The following PEBP4 variants were observed in gnomAD, a reference collection of about 807,000 sequenced individuals.
PEBP4 encodes phosphatidylethanolamine-binding protein 4.
PEBP4 carries 22 observed loss-of-function variants against 23.9 expected under a neutral mutation model. That is an observed-to-expected ratio of 0.92 (90% CI 0.66 to 1.31). PEBP4 has a LOEUF of 1.31. PEBP4 is among the 40% of genes most tolerant of loss of function. The probability of loss-of-function intolerance (pLI) is 0.00; values close to 1 mark genes in which losing one functional copy is unlikely to be tolerated. For missense variants in PEBP4, 324 were observed against 281.7 expected (o/e 1.15, Z -1.07); for synonymous variants, 112 against 99.3 (o/e 1.13, Z -0.76).
intron 4 of PEBP4, among the ~76,000 whole-genome samples, chr8:22,795,495 C>T (rs1806234593): frequency 6.6e-6 from 1 of 152,078 alleles, no homozygotes; most frequent in Non-Finnish European, 1.5e-5. Flanking sequence ...ATTTTTATAA[C>T]AAGAAGTGCA....
chr8:22,751,172 C>A (rs1805247258), intron 4 of PEBP4, among the ~76,000 whole-genome samples: 1 of 152,098 alleles, frequency 6.6e-6, no homozygotes. Context: ...AGGTCAAGCC[C>A]CGTGCTTCTG....
chr8:22,860,976 A>G (rs1807769103), intron 3 of PEBP4, among the ~76,000 whole-genome samples: 1 of 152,238 alleles, frequency 6.6e-6, no homozygotes, highest in Non-Finnish European at 1.5e-5. Context: ...TGATCTCAGT[A>G]TCCCCAGTGC....
intron 3 of PEBP4, among the ~76,000 whole-genome samples, chr8:22,901,862 A>G (rs1229651182): frequency 1.3e-5 from 2 of 152,188 alleles, no homozygotes; most frequent in Non-Finnish European, 2.9e-5. Context: ...TTAAGAAGAC[A>G]TGGCCATGTG....
At chr8:22,804,512 T>G (rs1806455037) in intron 4 of PEBP4, among the ~76,000 whole-genome samples, 1 of 152,072 alleles carries the variant, frequency 6.6e-6, no homozygotes, top group Non-Finnish European at 1.5e-5. Context: ...TAACACGAGA[T>G]CCACCCTCTT....
chr8:22,805,884 GAA>G (rs1806485121), intron 4 of PEBP4, among the ~76,000 whole-genome samples: 1 of 151,936 alleles, frequency 6.6e-6, no homozygotes, highest in African/African-American at 2.4e-5. Flanking sequence ...CATGCTGAAT[GAA>G]TGAATGAATG....
intron 4 of PEBP4, among the ~76,000 whole-genome samples, chr8:22,803,588 C>T (rs953992430): frequency 1.3e-5 from 2 of 151,988 alleles, no homozygotes; most frequent in African/African-American, 4.8e-5. Flanking sequence ...GGCTTGAACC[C>T]GGGAGGCAGG....
intron 3 of PEBP4, among the ~76,000 whole-genome samples, chr8:22,845,916 G>T (rs1215785547): frequency 6.6e-6 from 1 of 152,250 alleles, no homozygotes. Flanking sequence ...GGCGTGGTCA[G>T]CCAGGCCCTG....
intron 3 of PEBP4, among the ~76,000 whole-genome samples, chr8:22,849,210 C>G (rs966984818): frequency 6.6e-6 from 1 of 151,536 alleles, no homozygotes; most frequent in African/African-American, 2.4e-5. Context: ...ACTTATTCAT[C>G]CTTTAGAAGG....
intron 3 of PEBP4, among the ~76,000 whole-genome samples, chr8:22,903,598 C>A (rs557337690): frequency 5.3e-5 from 8 of 152,192 alleles, no homozygotes; most frequent in African/African-American, 1.9e-4. Flanking sequence ...TCCATCTGGT[C>A]CCTGGGACAA....
In PEBP4 at chr8:22,727,202, C is replaced by T; in HGVS notation, c.376G>A (p.Gly126Arg). ...GATAACTCCTGGCCCTGAATCTTCC[C>T]TTTCTTCAGGTCGGCGCCCTGAAAG... ...TDIKGADLKK[G>R]KIQGQELSAY... is the part of the protein sequence containing the mutation. The change falls in exon 5 of 7, where the codon GGG (glycine) becomes AGG (arginine). Residue 126 changes from glycine to arginine, a missense_variant. Transcript: ENST00000256404. The T allele has an allele frequency of 1.9e-6, 3 of 1,614,010 alleles. No individual in the cohort carries two copies. The highest frequency in any genetic ancestry group is 2.5e-6 in the Non-Finnish European group (3 of 1,179,996).
intron 3 of PEBP4, among the ~76,000 whole-genome samples, chr8:22,866,592 T>C (rs1035449954): frequency 6.6e-6 from 1 of 151,984 alleles, no homozygotes; most frequent in Non-Finnish European, 1.5e-5. Context: ...ATAACCACTA[T>C]ACTAAACTGC....
intron 4 of PEBP4, among the ~76,000 whole-genome samples, chr8:22,738,459 G>C (rs938570546): frequency 6.6e-6 from 1 of 152,164 alleles, no homozygotes; most frequent in Non-Finnish European, 1.5e-5. Flanking sequence ...GAAACTGCTC[G>C]GTGATGGGAG....
At chr8:22,745,576 C>T (rs1417426399) in intron 4 of PEBP4, 3 of 152,398 alleles carry the variant, frequency 2.0e-5, no homozygotes, top group Admixed American at 1.3e-4. Flanking sequence ...CCAGTTCACA[C>T]TTCTTTCCTC....
chr8:22,738,075 G>C lies in PEBP4; in HGVS notation c.358-10855C>G, dbSNP rs1804908527. Among the ~76,000 whole-genome samples the C allele has an allele frequency of 5.3e-5, 8 of 152,346 alleles. No individual in the cohort carries two copies. The South Asian group carries it at 1.7e-3, about 32-fold the overall frequency. On this transcript the variant is annotated intron_variant, in intron 4 of 6. Coordinates refer to ENST00000256404, the MANE Select transcript of PEBP4 (RefSeq NM_144962.3). ...AGGCTGATGGCTGCGCCGTGGGCTT[G>C]GAGGTTACTCAGCTGTGAATGTTGG...
At chr8:22,894,294 C>T (rs1310015110) in intron 3 of PEBP4, among the ~76,000 whole-genome samples, 1 of 152,120 alleles carries the variant, frequency 6.6e-6, no homozygotes. Context: ...TTGGCACAGC[C>T]ATGCATAGTG....
At chr8:22,831,492 A>G (rs1418920934) in intron 3 of PEBP4, among the ~76,000 whole-genome samples, 1 of 152,120 alleles carries the variant, frequency 6.6e-6, no homozygotes, top group Admixed American at 6.5e-5. Flanking sequence ...CATTCATTCA[A>G]CAAGCATTGA....
intron 4 of PEBP4, among the ~76,000 whole-genome samples, chr8:22,808,763 C>T (rs1208530636): frequency 6.6e-6 from 1 of 152,220 alleles, no homozygotes; most frequent in Non-Finnish European, 1.5e-5. Context: ...TCATTATCTC[C>T]TATATGTTGG....
chr8:22,842,873 G>C (rs972767162), intron 3 of PEBP4, among the ~76,000 whole-genome samples: 1 of 152,168 alleles, frequency 6.6e-6, no homozygotes, highest in African/African-American at 2.4e-5. Context: ...TGTTGCCCAG[G>C]CTGGAGTGCA....
At chr8:22,843,684 T>C (rs1047136229) in intron 3 of PEBP4, among the ~76,000 whole-genome samples, 2 of 152,218 alleles carry the variant, frequency 1.3e-5, no homozygotes, top group African/African-American at 4.8e-5. Context: ...GTTTGGAAGT[T>C]GAATGTCAGC....
Sources: gnomAD v4.1 joint callset for allele counts (sites outside exome capture counted in the v4.1 genomes callset) on GRCh38, gnomAD v4.1.1 for gene constraint, MANE v1.5 for transcripts, NCBI Gene and HGNC (gene_info 2026-07-23, HGNC 2026-07-21) for gene names.